The following LSAMP variants were observed in gnomAD, a reference collection of about 807,000 sequenced individuals.
LSAMP encodes limbic system-associated membrane protein.
Under a neutral mutation model 38.6 loss-of-function variants are expected in LSAMP, and 7 were observed. That is an observed-to-expected ratio of 0.18 (90% CI 0.10 to 0.34). The LOEUF is 0.34. Among genes scored for constraint, LSAMP ranks in the 10% least tolerant of loss-of-function variants. LSAMP has a pLI of 1.00. For missense variants in LSAMP, 313 were observed against 420.0 expected (o/e 0.75, Z 2.23); for synonymous variants, 154 against 166.8 (o/e 0.92, Z 0.59).
chr3:116,150,270 A>G (rs1709581335), intron 1 of LSAMP, among the ~76,000 whole-genome samples: 1 of 152,038 alleles, frequency 6.6e-6, no homozygotes, highest in African/African-American at 2.4e-5. Context: ...TTTTGCTTTA[A>G]TTCATAAAGT....
At chr3:115,930,318 T>C (rs1937561732) in intron 3 of LSAMP, among the ~76,000 whole-genome samples, 1 of 152,100 alleles carries the variant, frequency 6.6e-6, no homozygotes, top group African/African-American at 2.4e-5. Context: ...CCAATAAGCA[T>C]GTATTATGGG....
chr3:116,431,574 T>C (rs145090425), intron 1 of LSAMP, among the ~76,000 whole-genome samples: 1,645 of 152,208 alleles, frequency 0.011, 15 homozygotes, highest in Non-Finnish European at 0.018. Flanking sequence ...TTAGTAATAG[T>C]GTTTGTATAA....
At position 116,023,166 on chromosome 3, in the gene LSAMP, GTCTC is replaced by G. The variant is rs202078474; in HGVS notation, c.389-3530_389-3527del. 7.0e-4 allele frequency among the ~76,000 whole-genome samples: 101 copies of G among 143,636 alleles called. 1 individual carries two copies. Among genetic ancestry groups the G allele is most frequent in the Admixed American group, 2.4e-3 (33 of 13,910 alleles). The allele number at this position is 143,636 out of a possible 152,430, so 94.2% of individuals were successfully genotyped here. On this transcript the variant is annotated intron_variant, in intron 2 of 6. Coordinates refer to ENST00000490035, the MANE Select transcript of LSAMP (RefSeq NM_002338.5). ...TGTGTATATATACATATGTGTGTGT[GTCTC>G]TCTCTCTCTATATATATATACACAC...
At chr3:116,237,781 T>C (rs1438287491) in intron 1 of LSAMP, among the ~76,000 whole-genome samples, 1 of 152,194 alleles carries the variant, frequency 6.6e-6, no homozygotes, top group East Asian at 1.9e-4. Flanking sequence ...AAGTTCATGC[T>C]CTTAATTACT....
At chr3:116,160,172 G>T (rs550714343) in intron 1 of LSAMP, among the ~76,000 whole-genome samples, 1 of 152,274 alleles carries the variant, frequency 6.6e-6, no homozygotes, top group South Asian at 2.1e-4. Flanking sequence ...GGCCAAGGCA[G>T]GTGGATCACT....
chr3:116,391,616 G>C (rs1466743669), intron 1 of LSAMP, among the ~76,000 whole-genome samples: 1 of 151,838 alleles, frequency 6.6e-6, no homozygotes, highest in African/African-American at 2.4e-5. Flanking sequence ...CCCAGAGGCA[G>C]AGCTGAACCA....
chr3:116,253,578 A>G (rs1466835695), intron 1 of LSAMP, among the ~76,000 whole-genome samples: 1 of 152,196 alleles, frequency 6.6e-6, no homozygotes, highest in African/African-American at 2.4e-5. Context: ...AAACCTTAAT[A>G]ATTTTCTCTC....
Position 116,107,019 on chromosome 3 carries a change from T to C in LSAMP, c.156-20463A>G, listed in dbSNP as rs564948404. Among the ~76,000 whole-genome samples, 9 of 152,312 alleles carry C rather than the reference T, an allele frequency of 5.9e-5. No individual in the cohort carries two copies. The East Asian group carries it at 1.7e-3, about 29-fold the overall frequency. On this transcript the variant is annotated intron_variant, in intron 1 of 6. Transcript: ENST00000490035. ...TGGGCTAGTGGCTTATACTATAGCA[T>C]AGCCTGCCTTTGCTGGTGTGTGGTT...
At chr3:115,866,350 C>T (rs973336794) in intron 3 of LSAMP, among the ~76,000 whole-genome samples, 2 of 152,146 alleles carry the variant, frequency 1.3e-5, no homozygotes, top group Non-Finnish European at 2.9e-5. Context: ...CCTTTTCTTT[C>T]CTCTCCATCC....
chr3:115,885,080 G>A (rs533513053), intron 3 of LSAMP, among the ~76,000 whole-genome samples: 1 of 152,154 alleles, frequency 6.6e-6, no homozygotes, highest in East Asian at 1.9e-4. Flanking sequence ...ACTTACAGAA[G>A]TGAAGAGGAA....
intron 1 of LSAMP, among the ~76,000 whole-genome samples, chr3:116,382,472 G>A (rs1237197747): frequency 1.4e-5 from 2 of 147,420 alleles, no homozygotes; most frequent in African/African-American, 2.5e-5. Context: ...CTTGGACACA[G>A]GAAGGGGAAC....
intron 1 of LSAMP, among the ~76,000 whole-genome samples, chr3:116,202,045 G>A: frequency 6.6e-6 from 1 of 151,886 alleles, no homozygotes; most frequent in Non-Finnish European, 1.5e-5. Context: ...TATGATTCCA[G>A]GTTTGCCTAC....
rs115316868 is a variant in LSAMP, at chr3:116,036,963, G to A, written c.389-17323C>T. 3.0e-3 allele frequency among the ~76,000 whole-genome samples: 451 copies of A among 152,208 alleles called. 4 individuals carry two copies. The highest frequency in any genetic ancestry group is 0.01 in the African/African-American group (429 of 41,532). ...TATTTTTGGCTTTCTCTCTGTCTTG[G>A]TATCTTTTGTACCTGCAGATCTTTT... On this transcript the variant is annotated intron_variant, in intron 2 of 6. Transcript: ENST00000490035.
intron 3 of LSAMP, among the ~76,000 whole-genome samples, chr3:116,017,541 A>G (rs1479891328): frequency 6.6e-6 from 1 of 151,936 alleles, no homozygotes; most frequent in Non-Finnish European, 1.5e-5. Flanking sequence ...TTGATCCCAT[A>G]AACTTCTACA....
rs139030993 is a variant in LSAMP, at chr3:116,042,618, C to T, written c.389-22978G>A. Among the ~76,000 whole-genome samples, 622 of 151,980 alleles carry T rather than the reference C, an allele frequency of 4.1e-3. 8 individuals are homozygous for T. Among genetic ancestry groups the T allele is most frequent in the African/African-American group, 0.014 (582 of 41,464 alleles). On this transcript the variant is annotated intron_variant, in intron 2 of 6. Coordinates refer to ENST00000490035, the MANE Select transcript of LSAMP (RefSeq NM_002338.5). ...TTAATTTTTTGTATTTTAGTAGAGA[C>T]GGGGTTTCACCATGTTGGCCAAGAT...
chr3:116,203,315 C>T (rs1290180600), intron 1 of LSAMP, among the ~76,000 whole-genome samples: 2 of 152,128 alleles, frequency 1.3e-5, no homozygotes, highest in African/African-American at 4.8e-5. Context: ...ATGTTTTTAT[C>T]ATGAATATAT....
At chr3:116,110,751 G>T (rs1045984977) in intron 1 of LSAMP, among the ~76,000 whole-genome samples, 1 of 152,110 alleles carries the variant, frequency 6.6e-6, no homozygotes, top group African/African-American at 2.4e-5. Context: ...GGAGAACAGG[G>T]GATTGATCTC....
At chr3:116,240,632 A>AT (rs1378815673) in intron 1 of LSAMP, among the ~76,000 whole-genome samples, 1 of 152,210 alleles carries the variant, frequency 6.6e-6, no homozygotes, top group East Asian at 1.9e-4. Flanking sequence ...AGCAGCACCA[A>AT]TTGTAGAAGT....
intron 1 of LSAMP, among the ~76,000 whole-genome samples, chr3:116,229,351 T>G (rs1261119322): frequency 6.6e-6 from 1 of 152,164 alleles, no homozygotes; most frequent in Non-Finnish European, 1.5e-5. Flanking sequence ...AATCCCTGCT[T>G]TTTAAAAATG....
Sources: allele counts gnomAD v4.1 joint callset (sites outside exome capture counted in the v4.1 genomes callset), GRCh38; gene constraint gnomAD v4.1.1; transcripts MANE v1.5; gene names NCBI Gene and HGNC (gene_info 2026-07-23, HGNC 2026-07-21).